The following ROBO1 variants were observed in gnomAD, a reference collection of about 807,000 sequenced individuals.
ROBO1 encodes roundabout guidance receptor 1, also known as roundabout homolog 1.
Under a neutral mutation model 195.9 loss-of-function variants are expected in ROBO1, and 149 were observed. The ratio of observed to expected loss-of-function variants is 0.76; its 90% CI spans 0.67 to 0.87. ROBO1 has a LOEUF of 0.87. Among genes scored for constraint, ROBO1 ranks in the 40% least tolerant of loss-of-function variants. The pLI is 0.00. For synonymous variants in ROBO1, 816 were observed against 733.2 expected (o/e 1.11, Z -1.82); for missense variants, 1,933 against 2,068.3 (o/e 0.93, Z 1.27).
At position 78,646,321 on chromosome 3, in the gene ROBO1, CAT is replaced by C. The variant is rs1706288472; in HGVS notation, c.2840-133_2840-132del. 6.2e-6 allele frequency: 4 copies of C among 648,342 alleles called. No individual in the cohort carries two copies. In the East Asian group the frequency reaches 1.1e-4, roughly 18 times the overall value. The allele number at this position is 648,342 out of a possible 1,614,324, so 40.2% of individuals were successfully genotyped here. A position where few individuals can be genotyped will look rare whatever the true frequency, so the allele number is the denominator to read the frequency against. On this transcript the variant is annotated intron_variant, in intron 20 of 30. Transcript: ENST00000464233. ...CTAGACAGAAGCATTGCAAAAATCACATGACGTAACAGATTGATTCAACTAGT... is the reference window on the plus strand; with the variant it reads ...CTAGACAGAAGCATTGCAAAAATCACGACGTAACAGATTGATTCAACTAGT...
intron 3 of ROBO1, among the ~76,000 whole-genome samples, chr3:79,094,178 A>G (rs898489745): frequency 3.3e-5 from 5 of 152,152 alleles, no homozygotes; most frequent in Admixed American, 2.0e-4. Context: ...TATAAGCTAA[A>G]GAGTTATGGG....
chr3:78,943,384 G>A (rs371929568), intron 3 of ROBO1, among the ~76,000 whole-genome samples: 3 of 152,130 alleles, frequency 2.0e-5, no homozygotes, highest in East Asian at 3.9e-4. Flanking sequence ...CCCCTATAGC[G>A]AAACCACAAC....
At chr3:79,228,188 A>C (rs184305367) in intron 2 of ROBO1, among the ~76,000 whole-genome samples, 1 of 152,292 alleles carries the variant, frequency 6.6e-6, no homozygotes, top group East Asian at 1.9e-4. Flanking sequence ...AAGAAGAAGA[A>C]AAAGGAGAAA....
At chr3:79,576,780 C>T (rs1042821167) in intron 2 of ROBO1, among the ~76,000 whole-genome samples, 7 of 152,116 alleles carry the variant, frequency 4.6e-5, no homozygotes, top group Non-Finnish European at 8.8e-5. Flanking sequence ...AAAATGAATT[C>T]AGAAAAAGAT....
At chr3:79,528,031 T>C (rs1941506582) in intron 2 of ROBO1, 1 of 24,624 alleles carries the variant, frequency 4.1e-5, no homozygotes, top group Admixed American at 2.9e-4. Flanking sequence ...AGAGTTCAAA[T>C]TTTGCTTTTG....
At chr3:79,522,641 A>G (rs1368149199) in intron 2 of ROBO1, among the ~76,000 whole-genome samples, 2 of 151,988 alleles carry the variant, frequency 1.3e-5, no homozygotes, top group Non-Finnish European at 2.9e-5. Flanking sequence ...AACTTAATAA[A>G]CCCCTTTTGG....
intron 1 of ROBO1, among the ~76,000 whole-genome samples, chr3:79,608,802 T>C (rs1944567716): frequency 6.6e-6 from 1 of 151,934 alleles, no homozygotes; most frequent in South Asian, 2.1e-4. Flanking sequence ...TCTTGCCTTG[T>C]GATAGATTTT....
At position 78,904,714 on chromosome 3, in the gene ROBO1, ATGTATATGTATATATATGCATATATG is replaced by A. The variant is rs1188434185; in HGVS notation, c.499+33861_499+33886del. Among the ~76,000 whole-genome samples, 3 of 150,084 alleles carry A rather than the reference ATGTATATGTATATATATGCATATATG, an allele frequency of 2.0e-5. No individual in the cohort carries two copies. In the Admixed American group the frequency reaches 2.0e-4, roughly 10 times the overall value. ...TACATATGTATATATGTATATATAT[ATGTATATGTATATATATGCATATATG>A]TATATGTATATATGTGTGTATATAT... On this transcript the variant is annotated intron_variant, in intron 4 of 30. Transcript: ENST00000464233.
At chr3:78,756,561 G>T (rs918423355) in intron 4 of ROBO1, among the ~76,000 whole-genome samples, 4 of 152,070 alleles carry the variant, frequency 2.6e-5, no homozygotes, top group Non-Finnish European at 2.9e-5. Flanking sequence ...ACTATATTTG[G>T]TGATGGTAGC....
At chr3:79,344,939 A>G (rs556369987) in intron 2 of ROBO1, among the ~76,000 whole-genome samples, 1 of 152,230 alleles carries the variant, frequency 6.6e-6, no homozygotes, top group African/African-American at 2.4e-5. Context: ...TCCTGCTGCC[A>G]TGTGAAGAAG....
chr3:78,964,549 TAA>T (rs935503709), intron 3 of ROBO1, among the ~76,000 whole-genome samples: 2 of 152,126 alleles, frequency 1.3e-5, no homozygotes, highest in Admixed American at 6.5e-5. Context: ...CAGAAGTTCT[TAA>T]AAGAGTTTCA....
At chr3:79,459,177 C>T (rs933847610) in intron 2 of ROBO1, among the ~76,000 whole-genome samples, 3 of 151,362 alleles carry the variant, frequency 2.0e-5, no homozygotes, top group Non-Finnish European at 4.5e-5. Flanking sequence ...AAACATGTTC[C>T]TATGTTCAAT....
intron 1 of ROBO1, among the ~76,000 whole-genome samples, chr3:79,722,763 T>G (rs561445033): frequency 8.5e-5 from 13 of 152,202 alleles, no homozygotes; most frequent in Middle Eastern, 3.4e-3. Flanking sequence ...GTCACAGAAG[T>G]GTTTTGATGG....
intron 4 of ROBO1, among the ~76,000 whole-genome samples, chr3:78,804,480 G>A (rs1472408355): frequency 1.3e-5 from 2 of 152,062 alleles, no homozygotes; most frequent in African/African-American, 4.8e-5. Flanking sequence ...CAGTGGGGAT[G>A]TTTCAAATAC....
At chr3:79,263,557 T>C (rs958852884) in intron 2 of ROBO1, among the ~76,000 whole-genome samples, 2 of 151,972 alleles carry the variant, frequency 1.3e-5, no homozygotes, top group Non-Finnish European at 2.9e-5. Flanking sequence ...GGTGGGAGGA[T>C]TGCTTGAGCC....
intron 4 of ROBO1, among the ~76,000 whole-genome samples, chr3:78,769,423 T>C (rs1277548978): frequency 6.6e-6 from 1 of 152,182 alleles, no homozygotes; most frequent in East Asian, 1.9e-4. Context: ...AATGCCTTTT[T>C]CCACCCTTTA....
intron 1 of ROBO1, among the ~76,000 whole-genome samples, chr3:79,699,519 C>T (rs1212599034): frequency 1.3e-5 from 2 of 151,590 alleles, no homozygotes; most frequent in Non-Finnish European, 3.0e-5. Flanking sequence ...AGGTTGAGAC[C>T]TCTTGAATCC....
chr3:79,548,521 A>G (rs895964327), intron 2 of ROBO1, among the ~76,000 whole-genome samples: 3 of 152,220 alleles, frequency 2.0e-5, no homozygotes, highest in African/African-American at 7.2e-5. Flanking sequence ...CATGAATAGA[A>G]CAGTTGCTTA....
chr3:79,220,151 T>C (rs941765559), intron 2 of ROBO1, among the ~76,000 whole-genome samples: 1 of 152,098 alleles, frequency 6.6e-6, no homozygotes, highest in Non-Finnish European at 1.5e-5. Flanking sequence ...AAATCTGGCA[T>C]TATTCTGATA....
Sources: gnomAD v4.1 joint callset for allele counts (sites outside exome capture counted in the v4.1 genomes callset) on GRCh38, gnomAD v4.1.1 for gene constraint, MANE v1.5 for transcripts, NCBI Gene and HGNC (gene_info 2026-07-23, HGNC 2026-07-21) for gene names.